The following SYNPR variants were observed in gnomAD, a reference collection of about 807,000 sequenced individuals.
SYNPR encodes synaptoporin.
A neutral mutation model predicts 32.9 loss-of-function variants in SYNPR; 23 were observed. That is an observed-to-expected ratio of 0.70 (90% CI 0.50 to 0.99). The LOEUF is 0.99. Among genes scored for constraint, SYNPR ranks in the 50% least tolerant of loss-of-function variants. The probability of loss-of-function intolerance (pLI) is 0.00; values close to 1 mark genes in which losing one functional copy is unlikely to be tolerated. For synonymous variants in SYNPR, 146 were observed against 135.9 expected (o/e 1.07, Z -0.52); for missense variants, 318 against 349.3 (o/e 0.91, Z 0.71).
At chr3:63,359,378 A>G (rs1277001011) in intron 2 of SYNPR, among the ~76,000 whole-genome samples, 1 of 152,230 alleles carries the variant, frequency 6.6e-6, no homozygotes, top group African/African-American at 2.4e-5. Context: ...CAACCACACT[A>G]CCGTTAGGAG....
intron 1 of SYNPR, among the ~76,000 whole-genome samples, chr3:63,236,235 C>T (rs1387331193): frequency 1.3e-5 from 2 of 152,002 alleles, no homozygotes; most frequent in Non-Finnish European, 2.9e-5. Context: ...TAGATCTATA[C>T]ATCAGTCTCT....
At chr3:63,514,521 T>A (rs1701758949) in intron 3 of SYNPR, among the ~76,000 whole-genome samples, 1 of 152,192 alleles carries the variant, frequency 6.6e-6, no homozygotes, top group African/African-American at 2.4e-5. Context: ...TCCCGTCATC[T>A]AGGCAGATAA....
chr3:63,406,600 A>C (rs2088363737), intron 2 of SYNPR, among the ~76,000 whole-genome samples: 1 of 152,148 alleles, frequency 6.6e-6, no homozygotes, highest in South Asian at 2.1e-4. Flanking sequence ...TCAGAGAGGA[A>C]AAGAAGACAG....
At chr3:63,345,131 T>C (rs2087420994) in intron 2 of SYNPR, among the ~76,000 whole-genome samples, 1 of 152,250 alleles carries the variant, frequency 6.6e-6, no homozygotes, top group East Asian at 1.9e-4. Context: ...CTTGTTATCA[T>C]TTAACTATGC....
chr3:63,586,977 C>T (rs766758597), intron 4 of SYNPR, among the ~76,000 whole-genome samples: 14 of 152,078 alleles, frequency 9.2e-5, no homozygotes, highest in South Asian at 4.2e-4. Context: ...CCACCTATAC[C>T]CTTAAATGCC....
intron 2 of SYNPR, among the ~76,000 whole-genome samples, chr3:63,461,817 G>T (rs983588936): frequency 4.6e-5 from 7 of 151,904 alleles, no homozygotes; most frequent in African/African-American, 1.7e-4. Flanking sequence ...GTAGAACAGA[G>T]ATAATACCCA....
chr3:63,470,709 C>T (rs1700779857), intron 2 of SYNPR, among the ~76,000 whole-genome samples: 1 of 152,108 alleles, frequency 6.6e-6, no homozygotes, highest in Non-Finnish European at 1.5e-5. Flanking sequence ...CTTCCTCTTG[C>T]CCACCTCCCC....
intron 3 of SYNPR, among the ~76,000 whole-genome samples, chr3:63,512,540 A>C (rs555624405): frequency 6.6e-6 from 1 of 152,268 alleles, no homozygotes; most frequent in East Asian, 1.9e-4. Context: ...GGTCCTTAAA[A>C]GTGAAAGAGG....
chr3:63,423,716 T>G (rs1699840832), intron 2 of SYNPR: 1 of 152,254 alleles, frequency 6.6e-6, no homozygotes. Flanking sequence ...AAGCTGTTTC[T>G]GTTACACATG....
chr3:63,436,991 C>T (rs1700096641), intron 2 of SYNPR, among the ~76,000 whole-genome samples: 1 of 152,158 alleles, frequency 6.6e-6, no homozygotes, highest in Admixed American at 6.5e-5. Context: ...ATTCTCCTGC[C>T]TCAGCCTCCT....
chr3:63,255,448 T>G (rs1360335937), intron 2 of SYNPR, among the ~76,000 whole-genome samples: 1 of 152,166 alleles, frequency 6.6e-6, no homozygotes, highest in Non-Finnish European at 1.5e-5. Flanking sequence ...ACTACACAAA[T>G]ACAAATTTTA....
chr3:63,395,214 C>T (rs955650374), intron 2 of SYNPR, among the ~76,000 whole-genome samples: 1 of 151,996 alleles, frequency 6.6e-6, no homozygotes, highest in Non-Finnish European at 1.5e-5. Flanking sequence ...CTGCCTAAAC[C>T]AAAAGGTTAT....
intron 2 of SYNPR, among the ~76,000 whole-genome samples, chr3:63,261,404 A>C (rs1484240736): frequency 6.6e-6 from 1 of 151,816 alleles, no homozygotes; most frequent in Non-Finnish European, 1.5e-5. Flanking sequence ...TGATGAGTTC[A>C]TGTCCTTTGT....
chr3:63,209,272 C>A, the SYNPR span, among the ~76,000 whole-genome samples: 15 of 144,166 alleles, frequency 1.0e-4, no homozygotes, highest in African/African-American at 3.9e-4. Context: ...GAGCAGAGAT[C>A]GCGCCACTGC....
chr3:63,389,457 G>A (rs1342976597), intron 2 of SYNPR, among the ~76,000 whole-genome samples: 3 of 152,196 alleles, frequency 2.0e-5, no homozygotes, highest in African/African-American at 4.8e-5. Context: ...GCAGAAAGGT[G>A]TCTCTCTTAC....
intron 2 of SYNPR, among the ~76,000 whole-genome samples, chr3:63,388,760 G>A (rs115045949): frequency 0.011 from 1,648 of 152,064 alleles, 39 homozygotes; most frequent in African/African-American, 0.038. Flanking sequence ...TTTTTAAGTG[G>A]TGCATTTAAA....
At chr3:63,257,687 C>G (rs1333112229) in intron 2 of SYNPR, among the ~76,000 whole-genome samples, 1 of 152,180 alleles carries the variant, frequency 6.6e-6, no homozygotes, top group Non-Finnish European at 1.5e-5. Flanking sequence ...CAGCTAACAT[C>G]ATAATGACAG....
chr3:63,429,758 T>C (rs1358427721), intron 2 of SYNPR, among the ~76,000 whole-genome samples: 1 of 152,218 alleles, frequency 6.6e-6, no homozygotes, highest in South Asian at 2.1e-4. Flanking sequence ...TTTGCCCTTA[T>C]GTAAAATATT....
chr3:63,405,065 C>T (rs1901304), intron 2 of SYNPR, among the ~76,000 whole-genome samples: 1 of 151,864 alleles, frequency 6.6e-6, no homozygotes, highest in Admixed American at 6.6e-5. Context: ...AACAATCCAT[C>T]CCATTATTTG....
Sources: gnomAD v4.1 joint callset for allele counts (sites outside exome capture counted in the v4.1 genomes callset) on GRCh38, gnomAD v4.1.1 for gene constraint, MANE v1.5 for transcripts, NCBI Gene and HGNC (gene_info 2026-07-23, HGNC 2026-07-21) for gene names.